The following METAP1 variants were observed in gnomAD, a reference collection of about 807,000 sequenced individuals.
METAP1 encodes methionine aminopeptidase 1.
A neutral mutation model predicts 53.8 loss-of-function variants in METAP1; 28 were observed. The ratio of observed to expected loss-of-function variants is 0.52; its 90% confidence interval spans 0.39 to 0.71. The LOEUF is 0.71. Among genes scored for constraint, METAP1 ranks in the 30% least tolerant of loss-of-function variants. METAP1 has a pLI of 0.00. For synonymous variants in METAP1, 181 were observed against 165.7 expected (o/e 1.09, Z -0.71); for missense variants, 389 against 479.8 (o/e 0.81, Z 1.77).
chr4:99,039,502 T>C, intron 5 of METAP1, 37 bp downstream of exon 5: 4 of 1,256,768 alleles, frequency 3.2e-6, no homozygotes, highest in South Asian at 1.2e-5. Context: ...TAGGAAATGT[T>C]TAAGCAGTAC....
chr4:99,042,672 A>G (rs1051580546), intron 6 of METAP1, among the ~76,000 whole-genome samples: 1 of 152,106 alleles, frequency 6.6e-6, no homozygotes, highest in Non-Finnish European at 1.5e-5. Context: ...GCTTGTTAAT[A>G]TTTACTTCAA....
At chr4:99,048,635 G>A (rs1726451863) in intron 8 of METAP1, 98 bp from the exon 9 acceptor site, 16 of 1,305,550 alleles carry the variant, frequency 1.2e-5, no homozygotes, top group Middle Eastern at 2.0e-4. Context: ...CTCTCAAAGT[G>A]CTGGGATTAC....
chr4:99,023,714 G>C (rs778538358), intron 1 of METAP1: 3 of 985,272 alleles, frequency 3.0e-6, no homozygotes, highest in Admixed American at 1.2e-4. Flanking sequence ...TTGTGAAGCC[G>C]TTGTAGTTTG....
At chr4:99,007,737 T>C (rs1361042143) in intron 1 of METAP1, among the ~76,000 whole-genome samples, 4 of 152,338 alleles carry the variant, frequency 2.6e-5, no homozygotes, top group Admixed American at 6.5e-5. Flanking sequence ...CATGTTCAAA[T>C]TGTCTCAAAT....
At chr4:99,030,491 A>T (rs898311489) in intron 2 of METAP1, among the ~76,000 whole-genome samples, 2 of 152,106 alleles carry the variant, frequency 1.3e-5, no homozygotes, top group African/African-American at 4.8e-5. Context: ...GCTGTTCTTA[A>T]TCCCTTTGGC....
chr4:99,033,199 A>G (rs1376366640), intron 2 of METAP1, among the ~76,000 whole-genome samples: 1 of 151,800 alleles, frequency 6.6e-6, no homozygotes, highest in Non-Finnish European at 1.5e-5. Context: ...TTAAGATTCC[A>G]TCTAGTTTCC....
At chr4:99,027,891 C>T (rs1047571221) in intron 1 of METAP1, among the ~76,000 whole-genome samples, 4 of 152,098 alleles carry the variant, frequency 2.6e-5, no homozygotes, top group Non-Finnish European at 5.9e-5. Flanking sequence ...TTCAGAGTCC[C>T]TTGGGCAAAC....
chr4:99,043,607 ATTTC>A (rs1726024841), intron 7 of METAP1, among the ~76,000 whole-genome samples: 1 of 152,120 alleles, frequency 6.6e-6, no homozygotes, highest in Non-Finnish European at 1.5e-5. Flanking sequence ...GGTGCAGTGT[ATTTC>A]TTTAATGCTT....
chr4:99,038,628 T>C (rs527324279), intron 4 of METAP1, among the ~76,000 whole-genome samples: 4 of 152,246 alleles, frequency 2.6e-5, no homozygotes, highest in African/African-American at 7.2e-5. Flanking sequence ...ACATTATTTT[T>C]GTTAGATTTT....
chr4:99,012,197 T>C (rs1579250281), intron 1 of METAP1, among the ~76,000 whole-genome samples: 1 of 151,988 alleles, frequency 6.6e-6, no homozygotes, highest in African/African-American at 2.4e-5. Flanking sequence ...TATTATTTCC[T>C]TCTGTTAGCC....
chr4:99,056,716 C>A (rs1000643557), intron 9 of METAP1, among the ~76,000 whole-genome samples: 2 of 151,972 alleles, frequency 1.3e-5, no homozygotes, highest in East Asian at 3.9e-4. Flanking sequence ...ACTACAGGCC[C>A]CCGCCACCAC....
chr4:99,061,455 G>A lies in METAP1; in HGVS notation c.*138G>A, dbSNP rs1261250962. ...ATAAGAAAGGACTACAGCATTTGAT[G>A]TGTGTCCTCAAGAACTTGTCTTGGG... On this transcript the variant is annotated 3_prime_UTR_variant, in exon 11 of 11. Transcript: ENST00000296411. 9.5e-6 allele frequency: 7 copies of A among 737,290 alleles called. No individual in the cohort carries two copies. The highest frequency in any genetic ancestry group is 5.5e-5 in the African/African-American group (3 of 54,888). 45.7% of individuals were successfully genotyped at this position (737,290 alleles called of 1,614,324 possible). A position where few individuals can be genotyped will look rare whatever the true frequency, so the allele number is the denominator to read the frequency against.
intron 1 of METAP1, among the ~76,000 whole-genome samples, chr4:99,002,516 C>T (rs1722970686): frequency 6.6e-6 from 1 of 152,026 alleles, no homozygotes; most frequent in Admixed American, 6.6e-5. Context: ...TGATTGGTAT[C>T]AGTCTTGTCT....
At chr4:99,041,157 T>C (rs1158846518) in intron 6 of METAP1, 31 bp downstream of exon 6, 1 of 1,403,406 alleles carries the variant, frequency 7.1e-7, no homozygotes. Flanking sequence ...CTTTGAGTAA[T>C]TTTGTTACAT....
intron 1 of METAP1, among the ~76,000 whole-genome samples, chr4:99,013,396 T>A (rs188390625): frequency 2.0e-5 from 3 of 152,158 alleles, no homozygotes; most frequent in African/African-American, 7.2e-5. Context: ...TTGCCTGGAC[T>A]AGGCATTATT....
At chr4:99,003,289 T>C (rs1723006721) in intron 1 of METAP1, among the ~76,000 whole-genome samples, 1 of 152,236 alleles carries the variant, frequency 6.6e-6, no homozygotes, top group African/African-American at 2.4e-5. Flanking sequence ...TGTTTAATGA[T>C]TCTTCTGTGA....
chr4:99,003,119 TG>T (rs1722999963), intron 1 of METAP1, among the ~76,000 whole-genome samples: 1 of 152,134 alleles, frequency 6.6e-6, no homozygotes, highest in Non-Finnish European at 1.5e-5. Context: ...CCCTGTTAAT[TG>T]GGGTCTGCTA....
Sources: allele counts gnomAD v4.1 joint callset (sites outside exome capture counted in the v4.1 genomes callset), GRCh38; gene constraint gnomAD v4.1.1; transcripts MANE v1.5; gene names NCBI Gene and HGNC (gene_info 2026-07-23, HGNC 2026-07-21).